RECQL: variants seen among roughly 807,000 people sequenced by gnomAD.
RECQL encodes ATP-dependent DNA helicase Q1.
RECQL carries 73 observed loss-of-function variants against 75.8 expected under a neutral mutation model. The observed-to-expected ratio is 0.96, with a 90% confidence interval of 0.80 to 1.17. The LOEUF is 1.17. Ranked by LOEUF, RECQL falls within the 50% of genes most tolerant of loss-of-function variation. The pLI is 0.00. For missense variants in RECQL, 699 were observed against 772.1 expected (o/e 0.91, Z 1.12); for synonymous variants, 248 against 254.4 (o/e 0.97, Z 0.24).
rs777214281 is a variant in RECQL at position 21,486,512 on chromosome 12, A to C, written c.468T>G (p.Ile156Met). The C allele has an allele frequency of 1.3e-4, 209 of 1,604,084 alleles. No homozygotes were observed. Among genetic ancestry groups the C allele is most frequent in the Middle Eastern group, 5.0e-4 (3 of 6,026 alleles). ...TAGAAGCATTTAACATGGTTGCTGA[A>C]ATTCCTAATTGTTTTAAAACCATTA... ...DQLMVLKQLGISATMLNASSS... is the reference protein window; with the variant it reads ...DQLMVLKQLGMSATMLNASSS... Residue 156 changes from isoleucine to methionine, a missense_variant, in exon 5 of 15, where the codon ATT (isoleucine) becomes ATG (methionine). Coordinates refer to ENST00000444129, the MANE Select transcript of RECQL (RefSeq NM_002907.4).
chr12:21,476,422 A>G (rs1211780038), intron 8 of RECQL, among the ~76,000 whole-genome samples: 1 of 152,100 alleles, frequency 6.6e-6, no homozygotes, highest in Non-Finnish European at 1.5e-5. Context: ...TCTTTGCTTC[A>G]GTAACATTTG....
intron 7 of RECQL, 68 bp downstream of exon 7, chr12:21,477,732 CATA>C (rs760016494): frequency 6.2e-6 from 8 of 1,284,646 alleles, no homozygotes; most frequent in Non-Finnish European, 7.4e-6. Context: ...TGTAAATAAA[CATA>C]ATAAAAAGGC....
chr12:21,473,648 AAC>A lies in RECQL; in HGVS notation c.1356-8_1356-7del, dbSNP rs755020112. 1 of 1,609,866 alleles carries A rather than the reference AAC, an allele frequency of 6.2e-7. No individual in the cohort carries two copies. The highest frequency in any genetic ancestry group is 1.1e-5 in the South Asian group (1 of 90,938). ...CCATCAACACACGACGACATCTGCA[AAC>A]ACATTTAAAGATACAAATTATTAAA... On this transcript the variant is annotated splice_region_variant and splice_polypyrimidine_tract_variant and intron_variant, in intron 11 of 14. Coordinates refer to ENST00000444129, the MANE Select transcript of RECQL (RefSeq NM_002907.4).
chr12:21,498,870 A>G (rs1004121806), intron 2 of RECQL, among the ~76,000 whole-genome samples: 1 of 152,240 alleles, frequency 6.6e-6, no homozygotes, highest in African/African-American at 2.4e-5. Context: ...CACATGACCA[A>G]TTGAAAAACA....
At chr12:21,492,339 C>T (rs1198924326) in intron 2 of RECQL, among the ~76,000 whole-genome samples, 1 of 152,158 alleles carries the variant, frequency 6.6e-6, no homozygotes, top group Non-Finnish European at 1.5e-5. Flanking sequence ...TGATTCTAAT[C>T]AATCTAAGTA....
chr12:21,486,266 A>AT (rs966295696), intron 5 of RECQL, among the ~76,000 whole-genome samples: 15 of 151,992 alleles, frequency 9.9e-5, no homozygotes, highest in African/African-American at 3.6e-4. Context: ...TTCTTTTTAG[A>AT]TTTTTTTTAG....
At chr12:21,473,255 G>C (rs1943018122) in intron 12 of RECQL, among the ~76,000 whole-genome samples, 1 of 151,992 alleles carries the variant, frequency 6.6e-6, no homozygotes, top group Admixed American at 6.6e-5. Context: ...TGTCACCCAG[G>C]TTATAATACC....
intron 12 of RECQL, among the ~76,000 whole-genome samples, chr12:21,472,011 TC>T (rs1163230268): frequency 6.6e-6 from 1 of 152,102 alleles, no homozygotes; most frequent in Non-Finnish European, 1.5e-5. Flanking sequence ...CTGAGTGAAC[TC>T]TGATTTAGCA....
rs144073089 is a variant in RECQL, at chr12:21,493,946, C to A, written c.17-2230G>T. 3.4e-3 allele frequency among the ~76,000 whole-genome samples: 525 copies of A among 152,272 alleles called. 7 individuals are homozygous for A. Among genetic ancestry groups the A allele is most frequent in the Middle Eastern group, 0.034 (10 of 294 alleles). On this transcript the variant is annotated intron_variant, in intron 2 of 14. Transcript: ENST00000444129. ...ATAGAAACTGTGTTCATCCATTTTGCATTGATATAAAGGCGTATCCGAGGC... is the reference window on the plus strand; with the variant it reads ...ATAGAAACTGTGTTCATCCATTTTGAATTGATATAAAGGCGTATCCGAGGC...
At chr12:21,471,331 TC>T in intron 13 of RECQL, 96 bp downstream of exon 13, 1 of 1,163,860 alleles carries the variant, frequency 8.6e-7, no homozygotes, top group Non-Finnish European at 1.2e-6. Context: ...ATTTAAAAGT[TC>T]ACACAAAATA....
chr12:21,478,618 GTATGTTCAGATAA>G (rs1343615935), intron 6 of RECQL, among the ~76,000 whole-genome samples: 2 of 152,204 alleles, frequency 1.3e-5, no homozygotes, highest in Non-Finnish European at 2.9e-5. Flanking sequence ...CATGAAATTA[GTATGTTCAGATAA>G]CAGCAAGCAG....
At position 21,486,580 on chromosome 12, in the gene RECQL, T is replaced by TA; in HGVS notation, c.399dup (p.Thr134TyrfsTer32). On this transcript the variant is annotated frameshift_variant, in exon 5 of 15. Coordinates refer to ENST00000444129, the MANE Select transcript of RECQL (RefSeq NM_002907.4). LOFTEE classifies it high-confidence loss of function. Reference sequence around the variant, plus strand: ...GAGATCAATGGGCAAATGACGAGTGTAAAACCTAAAAGAGAAAAAAAAAAA... The same window carrying TA: ...GAGATCAATGGGCAAATGACGAGTGTAAAAACCTAAAAGAGAAAAAAAAAAA... 1.3e-6 allele frequency: 2 copies of TA among 1,530,828 alleles called. No homozygotes were observed. Among genetic ancestry groups the TA allele is most frequent in the Middle Eastern group, 1.8e-4 (1 of 5,542 alleles). The allele number at this position is 1,530,828 out of a possible 1,614,324, so 94.8% of individuals were successfully genotyped here.
chr12:21,471,869 T>C (rs938215224), intron 12 of RECQL, among the ~76,000 whole-genome samples: 1 of 151,988 alleles, frequency 6.6e-6, no homozygotes, highest in Non-Finnish European at 1.5e-5. Flanking sequence ...TACAGTGATA[T>C]ATATAAAAAA....
intron 6 of RECQL, among the ~76,000 whole-genome samples, 154 bp from the exon 7 acceptor site, chr12:21,478,123 A>G (rs1256711840): frequency 1.3e-5 from 2 of 152,006 alleles, no homozygotes; most frequent in Non-Finnish European, 2.9e-5. Context: ...AGCCTCTTTG[A>G]TGGGCAGGCT....
At chr12:21,486,246 T>C (rs1212314308) in intron 5 of RECQL, among the ~76,000 whole-genome samples, 1 of 152,200 alleles carries the variant, frequency 6.6e-6, no homozygotes, top group Non-Finnish European at 1.5e-5. Flanking sequence ...TTTTCCCATT[T>C]CACAAAATAT....
Position 21,470,343 on chromosome 12 carries a change from C to T in RECQL, c.1801G>A (p.Glu601Lys), listed in dbSNP as rs1383372186. 7 of 1,375,918 alleles carry T rather than the reference C, an allele frequency of 5.1e-6. No individual in the cohort carries two copies. Among genetic ancestry groups the T allele is most frequent in the African/African-American group, 1.7e-5 (1 of 58,252 alleles). 85.2% of individuals were successfully genotyped at this position (1,375,918 alleles called of 1,614,324 possible). The part of the protein sequence containing the change: ...TKSTQNSFRA[E>K]SSQTCHSEQG... ...TCAGAATGACAAGTTTGAGACGATT[C>T]AGCCTACAAAAAAAAAAAAAAAACA... The change falls in exon 15 of 15, where the codon GAA becomes AAA. Residue 601 changes from glutamate (E) to lysine (K), a missense_variant. Glu to Lys is a moderately conservative substitution (Grantham distance 56, BLOSUM62 1). This residue lies in a region of RECQL where 30 missense variants were observed against 58.6 expected (regional missense o/e 0.51). Transcript: ENST00000444129.
In RECQL at chr12:21,476,994, TAAAAA is replaced by T; in HGVS notation, c.868-7_868-3del. The T allele has an allele frequency of 6.3e-7, 1 of 1,599,480 alleles. No homozygotes were observed. Among genetic ancestry groups the T allele is most frequent in the African/African-American group, 1.3e-5 (1 of 74,306 alleles). On this transcript the variant is annotated splice_polypyrimidine_tract_variant and splice_region_variant and intron_variant, in intron 7 of 14. Coordinates refer to ENST00000444129, the MANE Select transcript of RECQL (RefSeq NM_002907.4). The stretch of plus-strand genomic sequence containing the variant: ...AGTGTTTGAGGGCTTCTGCCGAACC[TAAAAA>T]AAACTTAACTTATTAAAAAGTAAAT...
At chr12:21,485,047 A>C (rs901056753) in intron 5 of RECQL, among the ~76,000 whole-genome samples, 1 of 152,036 alleles carries the variant, frequency 6.6e-6, no homozygotes, top group Non-Finnish European at 1.5e-5. Flanking sequence ...TAATGAAATC[A>C]TGGCTCTCAC....
intron 2 of RECQL, among the ~76,000 whole-genome samples, chr12:21,496,359 T>G (rs757791899): frequency 4.6e-5 from 7 of 152,256 alleles, no homozygotes; most frequent in Non-Finnish European, 1.0e-4. Flanking sequence ...TCCATACCCA[T>G]GTACCTGTTA....
Sources: allele counts gnomAD v4.1 joint callset (sites outside exome capture counted in the v4.1 genomes callset), GRCh38; gene constraint gnomAD v4.1.1; regional missense constraint gnomAD v4.1.1; transcripts MANE v1.5; gene names NCBI Gene and HGNC (gene_info 2026-07-23, HGNC 2026-07-21).